The following GNL3L variants were observed in gnomAD, a reference collection of about 807,000 sequenced individuals.
GNL3L encodes G protein nucleolar 3 like.
Under a neutral mutation model 42.9 loss-of-function variants are expected in GNL3L, and 4 were observed. The observed-to-expected ratio is 0.09, with a 90% CI of 0.05 to 0.21. GNL3L has a LOEUF of 0.21. Among genes scored for constraint, GNL3L ranks in the 10% least tolerant of loss-of-function variants. The pLI is 1.00. For missense variants in GNL3L, 412 were observed against 481.7 expected (o/e 0.86, Z 1.36); for synonymous variants, 159 against 176.3 (o/e 0.90, Z 0.78).
intron 5 of GNL3L, 94 bp from the exon 6 acceptor site, chrX:54,542,861 T>G (rs1924664847): frequency 5.9e-6 from 3 of 509,666 alleles, no homozygotes; most frequent in Non-Finnish European, 6.8e-6. Flanking sequence ...CTCACATGAT[T>G]TTTTAAGCCT....
chrX:54,636,656 G>C, the GNL3L span, among the ~76,000 whole-genome samples: 7 of 111,504 alleles, frequency 6.3e-5, no homozygotes, highest in Non-Finnish European at 9.4e-5. Flanking sequence ...ATTTGCTTAG[G>C]ATGATGACCT....
intron 16 of GNL3L, among the ~76,000 whole-genome samples, chrX:54,601,671 C>T (rs1024023535): frequency 4.5e-5 from 5 of 111,615 alleles, no homozygotes; most frequent in Non-Finnish European, 7.5e-5. Context: ...GATTGGTTAA[C>T]AGATATATGT....
At chrX:54,592,961 C>T (rs1162872043) in intron 16 of GNL3L, among the ~76,000 whole-genome samples, 3 of 111,702 alleles carry the variant, frequency 2.7e-5, no homozygotes, top group East Asian at 2.8e-4. Flanking sequence ...TTGTGTCCCT[C>T]GGATGAGTGT....
chrX:54,618,943 A>G (rs181479996), intron 16 of GNL3L, among the ~76,000 whole-genome samples: 28 of 111,291 alleles, frequency 2.5e-4, no homozygotes, highest in African/African-American at 8.8e-4. Context: ...AAGGGGCTCA[A>G]TCTCACTTAT....
Position 54,543,190 on chromosome X carries a change from G to C in GNL3L, c.391-17G>C. On this transcript the variant is annotated splice_polypyrimidine_tract_variant and intron_variant, in intron 6 of 15. Coordinates refer to ENST00000360845, the MANE Select transcript of GNL3L (RefSeq NM_001184819.2). The stretch of plus-strand genomic sequence containing the variant: ...TATCCTTTTCCTGCCCTCATCTCCT[G>C]GTCCTCTGCCCTGCAGGTGGTGGAA... 8.3e-7 allele frequency: 1 copy of C among 1,207,756 alleles called. No individual in the cohort carries two copies. Among genetic ancestry groups the C allele is most frequent in the East Asian group, 3.0e-5 (1 of 33,773 alleles).
the GNL3L span, among the ~76,000 whole-genome samples, chrX:54,636,678 C>G: frequency 8.9e-6 from 1 of 111,882 alleles, no homozygotes; most frequent in African/African-American, 3.3e-5. Context: ...AAGCTGCATT[C>G]ATATTGCTGC....
At chrX:54,607,472 T>TA (rs1251860129) in intron 16 of GNL3L, among the ~76,000 whole-genome samples, 1 of 108,409 alleles carries the variant, frequency 9.2e-6, no homozygotes, top group African/African-American at 3.4e-5. Flanking sequence ...TGCCTTGGAA[T>TA]AATAGCTGAT....
intron 14 of GNL3L, among the ~76,000 whole-genome samples, chrX:54,555,975 C>T (rs1040710841): frequency 9.1e-6 from 1 of 110,162 alleles, no homozygotes; most frequent in African/African-American, 3.3e-5. Flanking sequence ...CCATCTCTGC[C>T]CTTGAGGAGT....
At chrX:54,570,674 A>T (rs1925532221), downstream of GNL3L, among the ~76,000 whole-genome samples, 1 of 106,315 alleles carries the variant, frequency 9.4e-6, no homozygotes, top group Non-Finnish European at 1.9e-5. Context: ...TAATGATTCC[A>T]TTGTTTTTTC....
At chrX:54,597,356 A>G (rs979099848) in intron 16 of GNL3L, among the ~76,000 whole-genome samples, 2 of 111,237 alleles carry the variant, frequency 1.8e-5, no homozygotes, top group Admixed American at 1.9e-4. Context: ...GGGCCTGGAA[A>G]GGGGGCCTCA....
At position 54,565,344 on chromosome X, in the gene GNL3L, G is replaced by A. The variant is rs998443608; in HGVS notation, c.*4742G>A. The stretch of plus-strand genomic sequence containing the variant: ...CTAGAGTTGGATTGCTGGGATATAT[G>A]GTAAGCATATGTTTGACATTTTAAG... On this transcript the variant is annotated 3_prime_UTR_variant, in exon 16 of 16. Coordinates refer to ENST00000360845, the MANE Select transcript of GNL3L (RefSeq NM_001184819.2). 3.6e-5 allele frequency among the ~76,000 whole-genome samples: 4 copies of A among 111,800 alleles called. No individual in the cohort carries two copies. Among genetic ancestry groups the A allele is most frequent in the Admixed American group, 2.9e-4 (3 of 10,472 alleles).
At chrX:54,544,409 C>T (rs1392845640) in intron 8 of GNL3L, 83 bp downstream of exon 8, 1 of 487,381 alleles carries the variant, frequency 2.1e-6, no homozygotes, top group Non-Finnish European at 3.6e-6. Context: ...GGACTGGGAC[C>T]TCCAGCCCTT....
intron 16 of GNL3L, among the ~76,000 whole-genome samples, chrX:54,574,279 C>T (rs925568349): frequency 9.0e-6 from 1 of 110,904 alleles, no homozygotes; most frequent in African/African-American, 3.3e-5. Flanking sequence ...TTTGTAGATG[C>T]CCTTTATCAG....
At chrX:54,614,506 C>T (rs987125057) in intron 16 of GNL3L, among the ~76,000 whole-genome samples, 1 of 111,221 alleles carries the variant, frequency 9.0e-6, no homozygotes, top group Non-Finnish European at 1.9e-5. Context: ...AGCTTTACCC[C>T]CTGCTCCTCT....
At position 54,565,966 on chromosome X, in the gene GNL3L, G is replaced by A. The variant is rs894244016; in HGVS notation, c.*5364G>A. On this transcript the variant is annotated 3_prime_UTR_variant, in exon 16 of 16. Coordinates refer to ENST00000360845, the MANE Select transcript of GNL3L (RefSeq NM_001184819.2). ...CTCCTGAGTAGCTGGAATTACAGGC[G>A]CAGGCCACCATGCTTGGCTAACTTT... Among the ~76,000 whole-genome samples the A allele has an allele frequency of 5.6e-5, 6 of 107,965 alleles. No homozygotes were observed. Among genetic ancestry groups the A allele is most frequent in the African/African-American group, 1.7e-4 (5 of 29,613 alleles). 93.8% of individuals were successfully genotyped at this position (107,965 alleles called of 115,157 possible).
At chrX:54,636,714 A>G in the GNL3L span, among the ~76,000 whole-genome samples, 1 of 112,101 alleles carries the variant, frequency 8.9e-6, no homozygotes, top group African/African-American at 3.2e-5. Flanking sequence ...ATTCTTTTTT[A>G]TGGCTGCACA....
At chrX:54,642,537 A>T in the GNL3L span, among the ~76,000 whole-genome samples, 18 of 109,932 alleles carry the variant, frequency 1.6e-4, no homozygotes, top group African/African-American at 5.0e-4. Flanking sequence ...CTCTTTATTT[A>T]AAAAAAAATT....
rs1434552544 is a variant in GNL3L at position 54,564,641 on chromosome X, C to A, written c.*4039C>A. Among the ~76,000 whole-genome samples, 1 of 107,228 alleles carries A rather than the reference C, an allele frequency of 9.3e-6. No homozygotes were observed. The highest frequency in any genetic ancestry group is 3.4e-5 in the African/African-American group (1 of 29,370). 93.1% of individuals were successfully genotyped at this position (107,228 alleles called of 115,157 possible). On this transcript the variant is annotated 3_prime_UTR_variant, in exon 16 of 16. Transcript: ENST00000360845. ...CAGGCTGGTCTCGAACTCCTGACCT[C>A]ATGATCCTCCTGCCTCAGCCTCCCA...
chrX:54,556,306 C>T (rs758059160), intron 14 of GNL3L, among the ~76,000 whole-genome samples: 16 of 110,826 alleles, frequency 1.4e-4, no homozygotes, highest in East Asian at 8.6e-4. Context: ...GGCAGGAAGA[C>T]GAATGAACAC....
Sources: gnomAD v4.1 joint callset for allele counts (sites outside exome capture counted in the v4.1 genomes callset) on GRCh38, gnomAD v4.1.1 for gene constraint, MANE v1.5 for transcripts, NCBI Gene and HGNC (gene_info 2026-07-23, HGNC 2026-07-21) for gene names.